The following ADGRG6 variants were observed in gnomAD, a reference collection of about 807,000 sequenced individuals.
ADGRG6 encodes the protein G-protein coupled receptor 126.
ADGRG6 carries 84 observed loss-of-function variants against 142.4 expected under a neutral mutation model. The ratio of observed to expected loss-of-function variants is 0.59; its 90% CI spans 0.49 to 0.71. ADGRG6 has a LOEUF of 0.71. Ranked by LOEUF, ADGRG6 falls within the 30% of genes least tolerant of loss-of-function variation. ADGRG6 has a pLI of 0.00. For missense variants in ADGRG6, 1,367 were observed against 1,466.6 expected, an observed-to-expected ratio of 0.93 and a Z score of 1.11; for synonymous variants, 521 against 520.5, an observed-to-expected ratio of 1.00 and a Z score of -0.01.
Position 142,370,243 on chromosome 6 carries a change from A to G in ADGRG6, c.519A>G (p.Lys173=). Residue 173 remains lysine, a synonymous_variant, in exon 4 of 25, where the codon AAA becomes AAG. Transcript: ENST00000367609. ...ATGCTTACCAGGTATCTGTTGCAAA[A>G]AGCATCTCTATTCCAGAGCTCAGTG... ...TSDAYQVSVA[K]SISIPELSAF... 6.2e-7 allele frequency: 1 copy of G among 1,612,672 alleles called. No individual in the cohort carries two copies. Among genetic ancestry groups the G allele is most frequent in the South Asian group, 1.1e-5 (1 of 91,056 alleles).
At chr6:142,436,206 G>GTATC (rs1339486416) in intron 22 of ADGRG6, among the ~76,000 whole-genome samples, 2 of 152,108 alleles carry the variant, frequency 1.3e-5, no homozygotes, top group African/African-American at 4.8e-5. Context: ...AAGTGGCAAT[G>GTATC]TAACCATAGA....
At chr6:142,374,465 C>T (rs537602245) in intron 4 of ADGRG6, among the ~76,000 whole-genome samples, 1 of 152,356 alleles carries the variant, frequency 6.6e-6, no homozygotes, top group African/African-American at 2.4e-5. Context: ...CACTAGGCTA[C>T]TATATCTGCA....
At chr6:142,435,280 TCAA>T (rs1777429752) in intron 22 of ADGRG6, among the ~76,000 whole-genome samples, 5 of 152,092 alleles carry the variant, frequency 3.3e-5, no homozygotes, top group Non-Finnish European at 7.4e-5. Flanking sequence ...TGTCACTGAA[TCAA>T]TTACCCTTCC....
chr6:142,310,977 T>A (rs1273572391), intron 2 of ADGRG6, among the ~76,000 whole-genome samples: 1 of 151,906 alleles, frequency 6.6e-6, no homozygotes. Context: ...AGGTCATGTA[T>A]TTATATATTT....
intron 2 of ADGRG6, among the ~76,000 whole-genome samples, chr6:142,326,226 A>G (rs1778770746): frequency 6.6e-6 from 1 of 151,986 alleles, no homozygotes; most frequent in Non-Finnish European, 1.5e-5. Flanking sequence ...TTGTTTCTGG[A>G]ACAATTCATG....
At chr6:142,325,192 A>G (rs1165756724) in intron 2 of ADGRG6, among the ~76,000 whole-genome samples, 2 of 152,164 alleles carry the variant, frequency 1.3e-5, no homozygotes, top group Non-Finnish European at 2.9e-5. Flanking sequence ...TACAGACAAT[A>G]TGTCTAAAAG....
At chr6:142,366,543 T>A (rs1780948326) in intron 2 of ADGRG6, among the ~76,000 whole-genome samples, 1 of 152,156 alleles carries the variant, frequency 6.6e-6, no homozygotes, top group Admixed American at 6.6e-5. Context: ...CTTCCCCACC[T>A]TTATCTGTCA....
At chr6:142,336,675 A>G (rs1228487445) in intron 2 of ADGRG6, among the ~76,000 whole-genome samples, 2 of 152,224 alleles carry the variant, frequency 1.3e-5, no homozygotes, top group African/African-American at 2.4e-5. Flanking sequence ...ATGTAGACAC[A>G]TACATAGATA....
intron 15 of ADGRG6, among the ~76,000 whole-genome samples, chr6:142,406,104 C>T (rs1448177397): frequency 2.0e-5 from 3 of 151,710 alleles, no homozygotes; most frequent in East Asian, 3.9e-4. Context: ...AAGAAATGAC[C>T]GTTTATTATT....
chr6:142,418,691 T>C (rs73580473), intron 21 of ADGRG6, among the ~76,000 whole-genome samples: 2,248 of 152,260 alleles, frequency 0.015, 47 homozygotes, highest in African/African-American at 0.05. Flanking sequence ...GCCAGAATCA[T>C]GTTAGTTTCT....
chr6:142,373,352 A>G (rs1384864654), intron 4 of ADGRG6, among the ~76,000 whole-genome samples: 2 of 141,084 alleles, frequency 1.4e-5, no homozygotes, highest in Non-Finnish European at 3.1e-5. Flanking sequence ...CTGTGAGAAA[A>G]CACTAGGTTT....
At chr6:142,307,145 A>G (rs1034485597) in intron 1 of ADGRG6, among the ~76,000 whole-genome samples, 1 of 152,156 alleles carries the variant, frequency 6.6e-6, no homozygotes, top group African/African-American at 2.4e-5. Context: ...ATGAGCAGGA[A>G]TCTATGAGTA....
chr6:142,381,372 G>A (rs918470827), intron 4 of ADGRG6, among the ~76,000 whole-genome samples: 1 of 152,108 alleles, frequency 6.6e-6, no homozygotes, highest in African/African-American at 2.4e-5. Flanking sequence ...TCTGTTAATT[G>A]TCAGAGGGAG....
chr6:142,412,751 A>C (rs969625396), intron 18 of ADGRG6, among the ~76,000 whole-genome samples: 1 of 152,192 alleles, frequency 6.6e-6, no homozygotes, highest in Non-Finnish European at 1.5e-5. Flanking sequence ...GATAGCAGGC[A>C]TTCTTTCAAA....
At chr6:142,387,535 C>T (rs1005776831) in intron 6 of ADGRG6, among the ~76,000 whole-genome samples, 6 of 152,140 alleles carry the variant, frequency 3.9e-5, no homozygotes, top group Admixed American at 6.6e-5. Flanking sequence ...ATGCCACTGT[C>T]GTAATAGAAT....
chr6:142,406,940 G>T lies in ADGRG6; in HGVS notation c.2268+1112G>T, dbSNP rs116029110. 6.9e-3 allele frequency among the ~76,000 whole-genome samples: 1,048 copies of T among 152,168 alleles called. 25 individuals are homozygous for T. The highest frequency in any genetic ancestry group is 0.024 in the African/African-American group (998 of 41,512). ...GAGTCCAGTGCAGGGAGAAGGTTTA[G>T]CCCTGCACTCTTAGATTTGCAAGCA... On this transcript the variant is annotated intron_variant, in intron 15 of 24. Transcript: ENST00000367609.
At chr6:142,380,238 G>A (rs1194772284) in intron 4 of ADGRG6, among the ~76,000 whole-genome samples, 3 of 152,136 alleles carry the variant, frequency 2.0e-5, no homozygotes, top group East Asian at 1.9e-4. Context: ...CTATGTTGAT[G>A]TTAATGCTGG....
chr6:142,436,987 T>C (rs537723005), intron 22 of ADGRG6, among the ~76,000 whole-genome samples: 13 of 152,350 alleles, frequency 8.5e-5, no homozygotes, highest in Non-Finnish European at 1.3e-4. Context: ...ATAACTATAA[T>C]ATACATATGT....
At chr6:142,438,494 G>T in intron 24 of ADGRG6, 130 bp downstream of exon 24, 1 of 529,682 alleles carries the variant, frequency 1.9e-6, no homozygotes, top group Non-Finnish European at 3.1e-6. Context: ...ATAAAAATCC[G>T]TTTGAAGACG....
Sources: allele counts gnomAD v4.1 joint callset (sites outside exome capture counted in the v4.1 genomes callset), GRCh38; gene constraint gnomAD v4.1.1; transcripts MANE v1.5; gene names NCBI Gene and HGNC (gene_info 2026-07-23, HGNC 2026-07-21).